The following PALM2AKAP2 variants were observed in gnomAD, a reference collection of about 807,000 sequenced individuals.
PALM2AKAP2 encodes PALM2 and AKAP2 fusion.
A neutral mutation model predicts 71.5 loss-of-function variants in PALM2AKAP2; 37 were observed. The ratio of observed to expected loss-of-function variants is 0.52; its 90% CI spans 0.40 to 0.68. The LOEUF is 0.68. Ranked by LOEUF, PALM2AKAP2 falls within the 30% of genes least tolerant of loss-of-function variation. The probability of loss-of-function intolerance (pLI) is 0.00; values close to 1 mark genes in which losing one functional copy is unlikely to be tolerated. For missense variants in PALM2AKAP2, 1,224 were observed against 1,191.8 expected, an observed-to-expected ratio of 1.03 and a Z score of -0.40; for synonymous variants, 468 against 478.8, an observed-to-expected ratio of 0.98 and a Z score of 0.29.
intron 1 of PALM2AKAP2, among the ~76,000 whole-genome samples, chr9:110,077,519 C>T (rs536298451): frequency 1.3e-5 from 2 of 152,060 alleles, no homozygotes; most frequent in African/African-American, 4.8e-5. Flanking sequence ...TGAGGCTGGG[C>T]ATTAATCTCA....
At chr9:109,662,274 G>C (rs1218801728) in intron 1 of PALM2AKAP2, among the ~76,000 whole-genome samples, 3 of 152,250 alleles carry the variant, frequency 2.0e-5, no homozygotes, top group African/African-American at 7.2e-5. Flanking sequence ...TCCAGTTTTT[G>C]CCCATTCAAT....
At chr9:110,044,336 CTTTCTTTCTTTTTTTTTTTT>C (rs1335815642), upstream of PALM2AKAP2, among the ~76,000 whole-genome samples, 2 of 123,724 alleles carry the variant, frequency 1.6e-5, no homozygotes, top group East Asian at 4.4e-4. Context: ...TTTTCTTTTT[CTTTCTTTCTTTTTTTTTTTT>C]TTTTTTTTTT....
At position 110,073,710 on chromosome 9, in the gene PALM2AKAP2, A is replaced by G. The variant is rs551859390; in HGVS notation, c.156+24855A>G. Among the ~76,000 whole-genome samples the G allele has an allele frequency of 1.3e-5, 2 of 152,304 alleles. 1 individual carries two copies. The highest frequency in any genetic ancestry group is 4.1e-4 in the South Asian group (2 of 4,826). On this transcript the variant is annotated intron_variant, in intron 1 of 3. Transcript: ENST00000374525. The stretch of plus-strand genomic sequence containing the variant: ...ACCTTTGGCAAACTGCAGTGTCTAC[A>G]TTATGGGATTTCCCTCCCCAGAGTC...
intron 3 of PALM2AKAP2, among the ~76,000 whole-genome samples, chr9:109,904,764 A>G (rs750264389): frequency 2.0e-5 from 3 of 152,142 alleles, no homozygotes; most frequent in Admixed American, 1.3e-4. Context: ...TAAAATTATT[A>G]TTCTGGAGCA....
At chr9:109,899,943 C>T (rs992806660) in intron 3 of PALM2AKAP2, among the ~76,000 whole-genome samples, 5 of 152,220 alleles carry the variant, frequency 3.3e-5, no homozygotes, top group Non-Finnish European at 7.3e-5. Context: ...TCTCTATCCT[C>T]CTCTAGCCTC....
chr9:110,128,832 CT>C (rs1467087763), intron 1 of PALM2AKAP2, among the ~76,000 whole-genome samples: 1 of 152,184 alleles, frequency 6.6e-6, no homozygotes, highest in Non-Finnish European at 1.5e-5. Flanking sequence ...AATGCACTTC[CT>C]TAAAGTTATT....
chr9:109,894,043 A>G (rs59671315), intron 3 of PALM2AKAP2, among the ~76,000 whole-genome samples: 25,505 of 150,936 alleles, frequency 0.17, 2,598 homozygotes, highest in East Asian at 0.3. Context: ...AAAAAAAAAA[A>G]AAGAAGCATC....
intron 1 of PALM2AKAP2, among the ~76,000 whole-genome samples, chr9:109,792,341 G>A (rs1256299283): frequency 1.3e-5 from 2 of 152,156 alleles, no homozygotes; most frequent in Non-Finnish European, 2.9e-5. Context: ...TGCTCAGGTT[G>A]GTCCTGAACT....
At chr9:110,025,205 T>G in intron 7 of PALM2AKAP2, 23 of 1,296,460 alleles carry the variant, frequency 1.8e-5, no homozygotes, top group Non-Finnish European at 2.4e-5. Flanking sequence ...TTGTGGGGCA[T>G]TCCTTTTTGA....
intron 1 of PALM2AKAP2, among the ~76,000 whole-genome samples, chr9:110,128,571 T>C (rs1835668169): frequency 1.3e-5 from 2 of 152,240 alleles, no homozygotes; most frequent in South Asian, 4.1e-4. Context: ...GTCATGGCTT[T>C]AGTAGGAAGT....
At chr9:109,649,578 G>A (rs1460832563) in intron 1 of PALM2AKAP2, among the ~76,000 whole-genome samples, 2 of 152,022 alleles carry the variant, frequency 1.3e-5, no homozygotes, top group Non-Finnish European at 2.9e-5. Flanking sequence ...TATTTTTTGG[G>A]CTATTTTTCT....
chr9:109,694,541 A>G (rs1827941105), intron 1 of PALM2AKAP2, among the ~76,000 whole-genome samples: 1 of 152,122 alleles, frequency 6.6e-6, no homozygotes, highest in African/African-American at 2.4e-5. Context: ...AGAAATCTTC[A>G]AAACACTATT....
At chr9:109,844,223 A>G (rs1477623390) in intron 1 of PALM2AKAP2, among the ~76,000 whole-genome samples, 2 of 152,196 alleles carry the variant, frequency 1.3e-5, no homozygotes, top group East Asian at 3.8e-4. Context: ...TTTACAGATA[A>G]GCGAATGGAG....
chr9:110,077,930 C>T (rs1021318967), intron 1 of PALM2AKAP2, among the ~76,000 whole-genome samples: 1 of 151,494 alleles, frequency 6.6e-6, no homozygotes, highest in African/African-American at 2.4e-5. Flanking sequence ...AGGAGAATCG[C>T]TTGAACCCAG....
chr9:110,035,142 C>G (rs1162195341), intron 7 of PALM2AKAP2, among the ~76,000 whole-genome samples: 2 of 147,894 alleles, frequency 1.4e-5, no homozygotes, highest in South Asian at 4.2e-4. Flanking sequence ...GCTTTTTTTT[C>G]TGCCTAAAAT....
chr9:110,003,264 T>C (rs1832715776), intron 6 of PALM2AKAP2, among the ~76,000 whole-genome samples: 2 of 152,216 alleles, frequency 1.3e-5, no homozygotes, highest in African/African-American at 2.4e-5. Context: ...AGAACATCTT[T>C]ATTTCTGCCT....
intron 1 of PALM2AKAP2, among the ~76,000 whole-genome samples, chr9:109,711,927 A>G (rs1828247252): frequency 1.3e-5 from 2 of 152,100 alleles, no homozygotes; most frequent in African/African-American, 4.8e-5. Flanking sequence ...ATTAATGAAG[A>G]CATTCCAAAT....
chr9:110,023,674 C>T (rs1833119934), intron 7 of PALM2AKAP2, among the ~76,000 whole-genome samples: 1 of 151,918 alleles, frequency 6.6e-6, no homozygotes, highest in South Asian at 2.1e-4. Flanking sequence ...TAACAGCTCT[C>T]CTTCATAGCC....
At chr9:110,010,780 AC>A (rs1192394253) in intron 6 of PALM2AKAP2, among the ~76,000 whole-genome samples, 2 of 148,664 alleles carry the variant, frequency 1.3e-5, no homozygotes, top group Non-Finnish European at 3.0e-5. Flanking sequence ...CAGGTGGATC[AC>A]CTGAGGTCAA....
Sources: allele counts gnomAD v4.1 joint callset (sites outside exome capture counted in the v4.1 genomes callset), GRCh38; gene constraint gnomAD v4.1.1; transcripts MANE v1.5; gene names NCBI Gene and HGNC (gene_info 2026-07-23, HGNC 2026-07-21).